PRR16: variants seen among roughly 807,000 people sequenced by gnomAD.
PRR16 encodes proline rich 16.
Under a neutral mutation model 18.2 loss-of-function variants are expected in PRR16, and 6 were observed. That is an observed-to-expected ratio of 0.33 (90% CI 0.18 to 0.65). The LOEUF is 0.65. Ranked by LOEUF, PRR16 falls within the 30% of genes least tolerant of loss-of-function variation. The probability of loss-of-function intolerance (pLI) is 0.74; values close to 1 mark genes in which losing one functional copy is unlikely to be tolerated. For missense variants in PRR16, 412 were observed against 376.6 expected, an observed-to-expected ratio of 1.09 and a Z score of -0.78; for synonymous variants, 151 against 147.8, an observed-to-expected ratio of 1.02 and a Z score of -0.16.
chr5:120,553,142 A>T lies in PRR16; in HGVS notation c.159+88497A>T, dbSNP rs992459921. ...ATTTATTAAACCATGGTTTGAGGAT[A>T]TAAAAAAAAAGCAGTGATGACCAGA... On this transcript the variant is annotated intron_variant, in intron 1 of 1. Transcript: ENST00000407149. Among the ~76,000 whole-genome samples, 26 of 151,996 alleles carry T rather than the reference A, an allele frequency of 1.7e-4. 1 individual carries two copies. The highest frequency in any genetic ancestry group is 1.2e-3 in the Admixed American group (19 of 15,226).
chr5:120,725,473 T>C, the PRR16 span, among the ~76,000 whole-genome samples: 4 of 151,690 alleles, frequency 2.6e-5, no homozygotes, highest in Non-Finnish European at 4.4e-5. Flanking sequence ...CTGGGAAACA[T>C]AGTAAGACCT....
At chr5:120,681,390 C>T (rs1027727125) in intron 1 of PRR16, among the ~76,000 whole-genome samples, 1 of 152,146 alleles carries the variant, frequency 6.6e-6, no homozygotes, top group Non-Finnish European at 1.5e-5. Context: ...AATAATTTTC[C>T]TCACACACAC....
At position 120,686,394 on chromosome 5, in the gene PRR16, G is replaced by A; in HGVS notation, c.600G>A (p.Gly200=). The A allele has an allele frequency of 1.2e-6, 2 of 1,614,126 alleles. No individual in the cohort carries two copies. The highest frequency in any genetic ancestry group is 1.7e-6 in the Non-Finnish European group (2 of 1,180,010). The change falls in exon 2 of 2, where the codon GGG becomes GGA. Residue 200 remains glycine, a synonymous_variant. Coordinates refer to ENST00000407149, the MANE Select transcript of PRR16 (RefSeq NM_001300783.2). ...AAAAAGACAGATGTCCCCAGGCAGG[G>A]CCTCGAGAACGAGTTCGGTTTAATG... ...RPEKDRCPQA[G]PRERVRFNEK...
At chr5:120,749,613 T>C in the PRR16 span, among the ~76,000 whole-genome samples, 13 of 152,266 alleles carry the variant, frequency 8.5e-5, no homozygotes, top group Non-Finnish European at 1.6e-4. Flanking sequence ...TCAATCTCTT[T>C]GCATTGAGAG....
At chr5:120,696,166 C>A in the PRR16 span, among the ~76,000 whole-genome samples, 2 of 152,048 alleles carry the variant, frequency 1.3e-5, no homozygotes, top group Admixed American at 1.3e-4. Context: ...AGTGTGAACC[C>A]AGGAGGTGGA....
chr5:120,697,281 C>T, the PRR16 span, among the ~76,000 whole-genome samples: 51 of 152,268 alleles, frequency 3.3e-4, no homozygotes, highest in East Asian at 6.4e-3. Context: ...ATCCATCTCA[C>T]GCTAAACTCC....
intron 1 of PRR16, among the ~76,000 whole-genome samples, chr5:120,656,495 A>C (rs957760526): frequency 7.3e-5 from 11 of 151,714 alleles, no homozygotes; most frequent in Admixed American, 1.3e-4. Context: ...AAAATTACTA[A>C]AGTACTTACC....
At chr5:120,794,351 G>A in the PRR16 span, among the ~76,000 whole-genome samples, 1 of 152,094 alleles carries the variant, frequency 6.6e-6, no homozygotes, top group South Asian at 2.1e-4. Flanking sequence ...TATGGGGCAA[G>A]TCTATCAGCA....
intron 1 of PRR16, among the ~76,000 whole-genome samples, chr5:120,625,022 A>G (rs904084717): frequency 6.6e-6 from 1 of 152,188 alleles, no homozygotes; most frequent in Admixed American, 6.5e-5. Context: ...GTGGAACTGT[A>G]AGTCCAATAA....
chr5:120,625,081 A>G (rs1261199116), intron 1 of PRR16, among the ~76,000 whole-genome samples: 2 of 152,190 alleles, frequency 1.3e-5, no homozygotes, highest in African/African-American at 2.4e-5. Flanking sequence ...CTTCATCAGC[A>G]GTATGAAAAT....
At chr5:120,503,899 T>C (rs1750553523) in intron 1 of PRR16, among the ~76,000 whole-genome samples, 1 of 152,042 alleles carries the variant, frequency 6.6e-6, no homozygotes, top group South Asian at 2.1e-4. Context: ...GTTTGGTTTT[T>C]TGTCCTTGTG....
At chr5:120,633,669 A>G (rs575465596) in intron 1 of PRR16, among the ~76,000 whole-genome samples, 35 of 152,264 alleles carry the variant, frequency 2.3e-4, no homozygotes, top group South Asian at 8.3e-4. Flanking sequence ...TGACAGGAAA[A>G]TATCACAATT....
chr5:120,669,092 G>T (rs1029996764), intron 1 of PRR16, among the ~76,000 whole-genome samples: 1 of 152,120 alleles, frequency 6.6e-6, no homozygotes, highest in Non-Finnish European at 1.5e-5. Flanking sequence ...TGGTGACTGC[G>T]TGTAATGACA....
At chr5:120,527,733 A>C (rs1751417186) in intron 1 of PRR16, among the ~76,000 whole-genome samples, 1 of 152,204 alleles carries the variant, frequency 6.6e-6, no homozygotes. Flanking sequence ...CAAAGGGGCT[A>C]GACAGGGTTG....
chr5:120,509,877 C>A (rs577727820), intron 1 of PRR16, among the ~76,000 whole-genome samples: 4 of 151,972 alleles, frequency 2.6e-5, no homozygotes, highest in African/African-American at 9.7e-5. Context: ...TTCATAATGG[C>A]CTTGAAGGTC....
intron 1 of PRR16, among the ~76,000 whole-genome samples, chr5:120,564,050 AGCTAGG>A (rs1669178903): frequency 6.6e-6 from 1 of 151,986 alleles, no homozygotes; most frequent in Non-Finnish European, 1.5e-5. Flanking sequence ...CTCATCCAGG[AGCTAGG>A]GCATGGAATA....
chr5:120,551,261 G>A (rs1752245627), intron 1 of PRR16, among the ~76,000 whole-genome samples: 1 of 151,854 alleles, frequency 6.6e-6, no homozygotes. Flanking sequence ...AGATCATGCT[G>A]TATTTGTCTT....
intron 1 of PRR16, among the ~76,000 whole-genome samples, chr5:120,570,895 T>C (rs1280553382): frequency 6.6e-6 from 1 of 152,000 alleles, no homozygotes; most frequent in Non-Finnish European, 1.5e-5. Context: ...TACAATAAAA[T>C]TATAAAAAAA....
At chr5:120,766,690 A>G in the PRR16 span, among the ~76,000 whole-genome samples, 1 of 151,966 alleles carries the variant, frequency 6.6e-6, no homozygotes. Flanking sequence ...ATTTTTCCAC[A>G]AGGCTATAAG....
Sources: gnomAD v4.1 joint callset for allele counts (sites outside exome capture counted in the v4.1 genomes callset) on GRCh38, gnomAD v4.1.1 for gene constraint, MANE v1.5 for transcripts, NCBI Gene and HGNC (gene_info 2026-07-23, HGNC 2026-07-21) for gene names.